The following SHROOM4 variants were observed in gnomAD, a reference collection of about 807,000 sequenced individuals.
The protein encoded by SHROOM4 is shroom family member 4.
SHROOM4 carries 17 observed loss-of-function variants against 80.3 expected under a neutral mutation model. The observed-to-expected ratio is 0.21, with a 90% CI of 0.14 to 0.32. The LOEUF is 0.32. SHROOM4 is among the 10% of genes least tolerant of loss of function. SHROOM4 has a pLI of 1.00. For missense variants in SHROOM4, 993 were observed against 1,140.3 expected (o/e 0.87, Z 1.86); for synonymous variants, 400 against 437.5 (o/e 0.91, Z 1.07).
downstream of SHROOM4, among the ~76,000 whole-genome samples, chrX:50,585,660 A>G (rs1313080482): frequency 1.8e-5 from 2 of 111,366 alleles, no homozygotes; most frequent in Non-Finnish European, 3.8e-5. Flanking sequence ...TTTGTTCTTC[A>G]GTTTAATAGC....
At chrX:50,703,459 G>A (rs924960775) in intron 1 of SHROOM4, among the ~76,000 whole-genome samples, 1 of 111,727 alleles carries the variant, frequency 9.0e-6, no homozygotes, top group African/African-American at 3.3e-5. Context: ...CAGGCAACTA[G>A]CCTTTCCTCA....
intron 1 of SHROOM4, among the ~76,000 whole-genome samples, chrX:50,770,098 C>T (rs782047801): frequency 5.4e-5 from 6 of 110,629 alleles, no homozygotes; most frequent in Non-Finnish European, 1.1e-4. Flanking sequence ...CTTACCAAAG[C>T]CTTCCTGTCC....
chrX:50,750,782 A>G (rs1360970897), intron 1 of SHROOM4, among the ~76,000 whole-genome samples: 2 of 111,985 alleles, frequency 1.8e-5, no homozygotes, highest in East Asian at 5.6e-4. Context: ...ATCATCCTTC[A>G]TCATCCTCAA....
chrX:50,788,480 G>A (rs942946396), intron 1 of SHROOM4, among the ~76,000 whole-genome samples: 10 of 110,345 alleles, frequency 9.1e-5, no homozygotes, highest in African/African-American at 2.6e-4. Flanking sequence ...GGTGGCGGGC[G>A]CCTGTAGCCC....
intron 1 of SHROOM4, among the ~76,000 whole-genome samples, chrX:50,798,744 C>T (rs894170621): frequency 9.0e-6 from 1 of 111,410 alleles, no homozygotes; most frequent in African/African-American, 3.3e-5. Flanking sequence ...ATATAAAATT[C>T]CCAGAACAAA....
intron 1 of SHROOM4, among the ~76,000 whole-genome samples, chrX:50,703,064 A>C (rs1569547843): frequency 1.8e-5 from 2 of 111,900 alleles, no homozygotes; most frequent in Non-Finnish European, 3.8e-5. Context: ...TAGGGCTATA[A>C]TCTATTAATC....
intron 1 of SHROOM4, among the ~76,000 whole-genome samples, chrX:50,776,672 C>T (rs1254289548): frequency 4.5e-5 from 5 of 111,182 alleles, no homozygotes; most frequent in African/African-American, 1.6e-4. Context: ...CTGCTATTCT[C>T]TAAAGACTTT....
chrX:50,607,272 C>G, intron 6 of SHROOM4, 109 bp downstream of exon 6: 1 of 795,216 alleles, frequency 1.3e-6, no homozygotes, highest in Non-Finnish European at 1.9e-6. Flanking sequence ...AGGCTGGGAG[C>G]AGTTTAACTG....
At chrX:50,744,827 A>G (rs1934741519) in intron 1 of SHROOM4, among the ~76,000 whole-genome samples, 1 of 111,276 alleles carries the variant, frequency 9.0e-6, no homozygotes, top group South Asian at 3.8e-4. Context: ...TCTGAAGTCT[A>G]TTTCATCTGT....
intron 5 of SHROOM4, among the ~76,000 whole-genome samples, chrX:50,618,273 TCTTC>T (rs1930342434): frequency 1.9e-5 from 2 of 102,974 alleles, no homozygotes; most frequent in Admixed American, 1.0e-4. Context: ...TCTTCTCTTC[TCTTC>T]CCCTTCCTTC....
chrX:50,738,128 G>A (rs1231663869), intron 1 of SHROOM4, among the ~76,000 whole-genome samples: 1 of 110,817 alleles, frequency 9.0e-6, no homozygotes, highest in Admixed American at 9.6e-5. Flanking sequence ...AAATTCAACA[G>A]CCCTTCATGC....
intron 1 of SHROOM4, among the ~76,000 whole-genome samples, chrX:50,779,538 A>G (rs994441683): frequency 2.7e-5 from 3 of 111,598 alleles, no homozygotes; most frequent in African/African-American, 9.8e-5. Flanking sequence ...GGTCTCTGGG[A>G]TTTTCTCCAT....
At chrX:50,748,260 G>A (rs1934821173) in intron 1 of SHROOM4, among the ~76,000 whole-genome samples, 1 of 111,659 alleles carries the variant, frequency 9.0e-6, no homozygotes, top group African/African-American at 3.3e-5. Context: ...TGACATATGG[G>A]GAACAGTTGA....
At chrX:50,710,444 A>G (rs1175853372) in intron 1 of SHROOM4, among the ~76,000 whole-genome samples, 3 of 111,505 alleles carry the variant, frequency 2.7e-5, no homozygotes, top group Non-Finnish European at 5.6e-5. Context: ...ATTCTCACTT[A>G]TAAGTGGGAG....
At chrX:50,723,393 G>GGAGGGA (rs1557265630) in intron 1 of SHROOM4, among the ~76,000 whole-genome samples, 2 of 54,471 alleles carry the variant, frequency 3.7e-5, no homozygotes, top group African/African-American at 6.6e-5. Context: ...AGCAAGGGAG[G>GGAGGGA]GAGAGAGAGA....
At chrX:50,650,719 C>A (rs1557258595) in intron 2 of SHROOM4, among the ~76,000 whole-genome samples, 2 of 112,044 alleles carry the variant, frequency 1.8e-5, no homozygotes, top group African/African-American at 6.5e-5. Context: ...TTTACCCAGG[C>A]AACTGTCTGA....
chrX:50,810,926 T>C (rs1338945527), intron 1 of SHROOM4, among the ~76,000 whole-genome samples: 1 of 112,047 alleles, frequency 8.9e-6, no homozygotes, highest in Non-Finnish European at 1.9e-5. Context: ...AAGCACATTG[T>C]AAATAGTAAC....
At chrX:50,726,514 C>T (rs1254884933) in intron 1 of SHROOM4, among the ~76,000 whole-genome samples, 1 of 112,404 alleles carries the variant, frequency 8.9e-6, no homozygotes, top group East Asian at 2.8e-4. Context: ...ATGGCTTGGG[C>T]CGGGCCCAAG....
intron 2 of SHROOM4, among the ~76,000 whole-genome samples, chrX:50,651,073 C>T (rs1243392546): frequency 9.0e-6 from 1 of 111,090 alleles, no homozygotes; most frequent in Non-Finnish European, 1.9e-5. Context: ...AAGGCCATGC[C>T]CAGTGTGTTG....
Sources: allele counts gnomAD v4.1 joint callset (sites outside exome capture counted in the v4.1 genomes callset), GRCh38; gene constraint gnomAD v4.1.1; transcripts MANE v1.5; gene names NCBI Gene and HGNC (gene_info 2026-07-23, HGNC 2026-07-21).